CBARP: variants seen among roughly 807,000 people sequenced by gnomAD.
The protein encoded by CBARP is CACN subunit beta associated regulatory protein.
CBARP carries 24 observed loss-of-function variants against 36.3 expected under a neutral mutation model. The ratio of observed to expected loss-of-function variants is 0.66; its 90% CI spans 0.48 to 0.93. CBARP has a LOEUF of 0.93. Ranked by LOEUF, CBARP falls within the 40% of genes least tolerant of loss-of-function variation. The probability of loss-of-function intolerance (pLI) is 0.00; values close to 1 mark genes in which losing one functional copy is unlikely to be tolerated. For synonymous variants in CBARP, 586 were observed against 453.2 expected (o/e 1.29, Z -3.72); for missense variants, 1,146 against 980.4 (o/e 1.17, Z -2.26).
chr19:1,231,695 C>T (rs1038421709), intron 8 of CBARP, among the ~76,000 whole-genome samples: 1 of 151,544 alleles, frequency 6.6e-6, no homozygotes, highest in Non-Finnish European at 1.5e-5. Context: ...GTCTCACACA[C>T]ACAGGAGTGG....
Position 1,233,677 on chromosome 19 carries a change from C to T in CBARP, c.769-41G>A, listed in dbSNP as rs765785227. 3.2e-6 allele frequency: 5 copies of T among 1,558,324 alleles called. No individual in the cohort carries two copies. In the South Asian group the frequency reaches 3.5e-5, roughly 11 times the overall value. The stretch of plus-strand genomic sequence containing the variant: ...GATGGCGCTCAGGCTAAGACTTCTT[C>T]CTGGGCCCGTGTGCTGGCCCCAGGT... On this transcript the variant is annotated intron_variant, in intron 7 of 9. Coordinates refer to ENST00000650044, the MANE Select transcript of CBARP (RefSeq NM_001393918.1).
rs747450849 is a variant in CBARP, at chr19:1,229,227, G to T, written c.2070C>A (p.Pro690=). The change falls in exon 10 of 10, where the codon CCC becomes CCA. Residue 690 remains proline, a synonymous_variant. Coordinates refer to ENST00000650044, the MANE Select transcript of CBARP (RefSeq NM_001393918.1). The surrounding 1 kb of genome is among the most constrained non-coding windows in gnomAD (Gnocchi z 5.1). Reference sequence around the variant, plus strand: ...ACGTGGGGGCGGCGGCGACCAACGCGGGAGTCGCCACGACGGGCTCGGCGA... The same window carrying T: ...ACGTGGGGGCGGCGGCGACCAACGCTGGAGTCGCCACGACGGGCTCGGCGA... ...PRLAEPVVAT[P]ALVAAAPTSP... 8.1e-7 allele frequency: 1 copy of T among 1,231,042 alleles called. No individual in the cohort carries two copies. The highest frequency in any genetic ancestry group is 1.3e-5 in the South Asian group (1 of 75,178). 76.3% of individuals were successfully genotyped at this position (1,231,042 alleles called of 1,614,324 possible). A position where few individuals can be genotyped will look rare whatever the true frequency, so the allele number is the denominator to read the frequency against.
rs1249800301 is a variant in CBARP at position 1,228,536 on chromosome 19, C to G, written c.*643G>C. Reference sequence around the variant, plus strand: ...GTGGGGACTCGGGGCGCGGGAGGGCCGGGGCCGGCTCCCTCAGGGCCGGCG... The same window carrying G: ...GTGGGGACTCGGGGCGCGGGAGGGCGGGGGCCGGCTCCCTCAGGGCCGGCG... On this transcript the variant is annotated 3_prime_UTR_variant, in exon 10 of 10. Transcript: ENST00000650044. The G allele has an allele frequency of 2.8e-5, 5 of 178,564 alleles. No homozygotes were observed. Among genetic ancestry groups the G allele is most frequent in the African/African-American group, 1.2e-4 (5 of 42,128 alleles). 11.1% of individuals were successfully genotyped at this position (178,564 alleles called of 1,614,324 possible).
At chr19:1,235,322 C>T (rs1000420642) in intron 4 of CBARP, 177 bp from the exon 5 acceptor site, 6 of 1,036,544 alleles carry the variant, frequency 5.8e-6, no homozygotes, top group Non-Finnish European at 6.7e-6. Context: ...TCGCTCAGCA[C>T]GCGCCTGGGC....
At chr19:1,230,440 C>A in intron 9 of CBARP, 1 of 991,666 alleles carries the variant, frequency 1.0e-6, no homozygotes, top group Non-Finnish European at 1.2e-6. Context: ...CCGGGAGTCA[C>A]GTTTTCCCAG....
At chr19:1,236,890 C>G (rs1488939010) in intron 1 of CBARP, among the ~76,000 whole-genome samples, 1 of 149,862 alleles carries the variant, frequency 6.7e-6, no homozygotes, top group East Asian at 2.0e-4. Context: ...GGCGCGAAGC[C>G]GCAAGATGGC....
Position 1,235,495 on chromosome 19 carries a change from C to G in CBARP, c.310+6G>C, listed in dbSNP as rs766467196. 1 of 1,584,134 alleles carries G rather than the reference C, an allele frequency of 6.3e-7. No homozygotes were observed. Among genetic ancestry groups the G allele is most frequent in the Non-Finnish European group, 8.6e-7 (1 of 1,168,512 alleles). Reference sequence around the variant, plus strand: ...GAGCGCACAGCCAGGCTGGCCAGCACCTCACCTTGGGCTGGGTGGGTGCCG... The same window carrying G: ...GAGCGCACAGCCAGGCTGGCCAGCAGCTCACCTTGGGCTGGGTGGGTGCCG... On this transcript the variant is annotated splice_donor_region_variant and intron_variant, in intron 4 of 9. Transcript: ENST00000650044.
In CBARP at chr19:1,235,119, C is replaced by T. The variant is rs767203231; in HGVS notation, c.337G>A (p.Glu113Lys). 4.6e-5 allele frequency: 73 copies of T among 1,598,746 alleles called. 1 individual carries two copies. The highest frequency in any genetic ancestry group is 4.8e-5 in the Non-Finnish European group (56 of 1,173,384). ...QDPDFRGEDP[E>K]CQDAETERFL... ...CGTTCGGTCTCCGCATCCTGGCACT[C>T]GGGGTCCTCTCCCCGGAAGTCGGGG... The change falls in exon 5 of 10, where the codon GAG becomes AAG. Residue 113 changes from glutamate to lysine, a missense_variant. Transcript: ENST00000650044.
In CBARP at chr19:1,230,105, C is replaced by A; in HGVS notation, c.1192G>T (p.Asp398Tyr). 9.3e-7 allele frequency: 1 copy of A among 1,074,394 alleles called. No homozygotes were observed. Among genetic ancestry groups the A allele is most frequent in the South Asian group, 2.2e-5 (1 of 45,466 alleles). The allele number at this position is 1,074,394 out of a possible 1,614,324, so 66.6% of individuals were successfully genotyped here. A position where few individuals can be genotyped will look rare whatever the true frequency, so the allele number is the denominator to read the frequency against. ...AAEAAGGASP[D>Y]SPPERGAGSA... ...CCCGCGCCGCGCTCCGGGGGGGAAT[C>A]GGGGCTCGCTCCTCCCGCTGCCTCG... is the stretch of plus-strand genomic sequence containing the variant. The change falls in exon 10 of 10, where the codon GAT (aspartate) becomes TAT (tyrosine). Residue 398 changes from aspartate to tyrosine, a missense_variant. Asp to Tyr is a radical substitution (Grantham distance 160). Coordinates refer to ENST00000650044, the MANE Select transcript of CBARP (RefSeq NM_001393918.1).
chr19:1,229,699 G>T lies in CBARP; in HGVS notation c.1598C>A (p.Pro533His). ...PARPRSPRAW[P>H]RRPRRDYSID... ...GCTGTAGTCGCGGCGCGGGCGGCGGGGCCAGGCGCGCGGGCTGCGGGGCCG... is the reference window on the plus strand; with the variant it reads ...GCTGTAGTCGCGGCGCGGGCGGCGGTGCCAGGCGCGCGGGCTGCGGGGCCG... Residue 533 changes from proline to histidine, a missense_variant, in exon 10 of 10, where the codon CCC (proline) becomes CAC (histidine). By Grantham distance (77) the Pro-to-His change is moderately conservative. Transcript: ENST00000650044. The surrounding 1 kb of genome is among the most constrained non-coding windows in gnomAD (Gnocchi z 5.1). 1 of 1,022,594 alleles carries T rather than the reference G, an allele frequency of 9.8e-7. No individual in the cohort carries two copies. The highest frequency in any genetic ancestry group is 1.2e-6 in the Non-Finnish European group (1 of 848,706). 63.3% of individuals were successfully genotyped at this position (1,022,594 alleles called of 1,614,324 possible).
At chr19:1,237,645 C>G (rs898989711) in intron 1 of CBARP, 111 bp downstream of exon 1, 3 of 152,044 alleles carry the variant, frequency 2.0e-5, no homozygotes, top group Non-Finnish European at 4.4e-5. Context: ...TCGGTCCCCA[C>G]GCCCGCCGGA....
chr19:1,234,226 G>C lies in CBARP; in HGVS notation c.733C>G (p.Pro245Ala), dbSNP rs895148318. ...AGATDFAEIS[P>A]SASSDSGEGT... ...TCCCCAGAGTCGCTAGATGCCGAGG[G>C]GCTGATCTCTGCGAAGTCAGTGGCG... The change falls in exon 7 of 10, where the codon CCC (proline) becomes GCC (alanine). Residue 245 changes from proline to alanine, a missense_variant. Pro to Ala is a conservative substitution (Grantham distance 27, BLOSUM62 -1). Coordinates refer to ENST00000650044, the MANE Select transcript of CBARP (RefSeq NM_001393918.1). The C allele has an allele frequency of 3.3e-6, 5 of 1,517,774 alleles. No individual in the cohort carries two copies. The highest frequency in any genetic ancestry group is 1.8e-6 in the Non-Finnish European group (2 of 1,135,786). The allele number at this position is 1,517,774 out of a possible 1,614,324, so 94.0% of individuals were successfully genotyped here.
chr19:1,236,186 A>G lies in CBARP; in HGVS notation c.-21-65T>C, dbSNP rs2145460577. 6 of 1,356,936 alleles carry G rather than the reference A, an allele frequency of 4.4e-6. No homozygotes were observed. In the East Asian group the frequency reaches 1.8e-4, roughly 41 times the overall value. The allele number at this position is 1,356,936 out of a possible 1,614,324, so 84.1% of individuals were successfully genotyped here. A position where few individuals can be genotyped will look rare whatever the true frequency, so the allele number is the denominator to read the frequency against. On this transcript the variant is annotated intron_variant, in intron 1 of 9. Transcript: ENST00000650044. ...TTCTCCTGCAGGAGCCACTGCAGAC[A>G]AGCTGGGTCTTCCCTGCAGGAGCAG...
intron 9 of CBARP, chr19:1,230,714 C>T: frequency 7.8e-7 from 1 of 1,283,710 alleles, no homozygotes; most frequent in Non-Finnish European, 9.8e-7. Flanking sequence ...GTGCTGCTGG[C>T]CGGAGTGGTC....
chr19:1,235,203 C>T (rs2080950288), intron 4 of CBARP, 58 bp from the exon 5 acceptor site: 1 of 1,418,384 alleles, frequency 7.1e-7, no homozygotes, highest in Non-Finnish European at 9.3e-7. Context: ...GCGCCTGGTC[C>T]CGGGAGGGCT....
In CBARP at chr19:1,231,048, G is replaced by A. The variant is rs764939260; in HGVS notation, c.1154+53C>T. On this transcript the variant is annotated intron_variant, in intron 9 of 9. Coordinates refer to ENST00000650044, the MANE Select transcript of CBARP (RefSeq NM_001393918.1). The stretch of plus-strand genomic sequence containing the variant: ...CTGGGCCGCCTAGGGGGGGGCGAAG[G>A]GGGGCAAGGGCCCACAGGTCCACCC... The A allele has an allele frequency of 5.8e-6, 9 of 1,561,196 alleles. No homozygotes were observed. The South Asian group carries it at 7.1e-5, about 12-fold the overall frequency.
In CBARP at chr19:1,235,250, C is replaced by T. The variant is rs564313349; in HGVS notation, c.311-105G>A. On this transcript the variant is annotated intron_variant, in intron 4 of 9. Transcript: ENST00000650044. ...CGGCCACGGCAGGGAGGGCTGGGGC[C>T]GCGGCACGGGCGGCCGGGCTGGCGG... The T allele has an allele frequency of 4.0e-4, 507 of 1,279,844 alleles. 2 individuals are homozygous for T. Among genetic ancestry groups the T allele is most frequent in the Middle Eastern group, 2.9e-4 (1 of 3,432 alleles). 79.3% of individuals were successfully genotyped at this position (1,279,844 alleles called of 1,614,324 possible).
Position 1,229,728 on chromosome 19 carries a change from G to C in CBARP, c.1569C>G (p.Pro523=), listed in dbSNP as rs960829290. ...AGDDTEPPAA[P]ARPRSPRAWP... ...AGGCGCGCGGGCTGCGGGGCCGGGC[G>C]GGCGCGGCAGGTGGCTCGGTGTCGT... is the stretch of plus-strand genomic sequence containing the variant. Residue 523 remains proline, a synonymous_variant, in exon 10 of 10, where the codon CCC becomes CCG. Coordinates refer to ENST00000650044, the MANE Select transcript of CBARP (RefSeq NM_001393918.1). This position sits in a 1 kb window ranked among gnomAD's most constrained non-coding sequence, Gnocchi z 5.1. 2.0e-6 allele frequency: 2 copies of C among 984,014 alleles called. No individual in the cohort carries two copies. Among genetic ancestry groups the C allele is most frequent in the South Asian group, 4.2e-5 (1 of 23,778 alleles). The allele number at this position is 984,014 out of a possible 1,614,324, so 61.0% of individuals were successfully genotyped here.
chr19:1,230,706 G>A lies in CBARP; in HGVS notation c.1154+395C>T, dbSNP rs1282908062. ...GTTGCCCTTGGGTTGGGGGAGGGGT[G>A]CTGCTGGCCGGAGTGGTCACAGCAG... is the stretch of plus-strand genomic sequence containing the variant. On this transcript the variant is annotated intron_variant, in intron 9 of 9. Coordinates refer to ENST00000650044, the MANE Select transcript of CBARP (RefSeq NM_001393918.1). The A allele has an allele frequency of 5.5e-6, 7 of 1,282,964 alleles. No individual in the cohort carries two copies. In the East Asian group the frequency reaches 2.2e-4, roughly 40 times the overall value. 79.5% of individuals were successfully genotyped at this position (1,282,964 alleles called of 1,614,324 possible).
Sources: gnomAD v4.1 joint callset for allele counts (sites outside exome capture counted in the v4.1 genomes callset) on GRCh38, gnomAD v4.1.1 for gene constraint, Gnocchi (gnomAD v3.1) non-coding constraint, MANE v1.5 for transcripts, NCBI Gene and HGNC (gene_info 2026-07-23, HGNC 2026-07-21) for gene names.